Variants in ZSWIM9 observed in about 807,000 individuals in gnomAD.
ZSWIM9 encodes the protein uncharacterized protein ZSWIM9.
In ZSWIM9, 11 loss-of-function variants were observed where a neutral mutation model predicts 25.0. That is an observed-to-expected ratio of 0.44 (90% CI 0.28 to 0.73). ZSWIM9 has a LOEUF of 0.73. Ranked by LOEUF, ZSWIM9 falls within the 30% of genes least tolerant of loss-of-function variation. The pLI, the probability that ZSWIM9 is intolerant of heterozygous loss-of-function variation, is 0.16. For synonymous variants in ZSWIM9, 562 were observed against 582.1 expected, an observed-to-expected ratio of 0.97 and a Z score of 0.50; for missense variants, 1,070 against 1,296.5, an observed-to-expected ratio of 0.83 and a Z score of 2.68.
chr19:48,179,700 C>T (rs1167853402), intron 2 of ZSWIM9, among the ~76,000 whole-genome samples: 3 of 152,088 alleles, frequency 2.0e-5, no homozygotes, highest in African/African-American at 4.8e-5. Context: ...GTGGAACATT[C>T]GGCAGCAGTA....
At chr19:48,190,766 A>G (rs1250319724) in intron 3 of ZSWIM9, among the ~76,000 whole-genome samples, 1 of 152,238 alleles carries the variant, frequency 6.6e-6, no homozygotes, top group East Asian at 1.9e-4. Flanking sequence ...GTAGTTACAC[A>G]GGCCTCCTGC....
intron 3 of ZSWIM9, among the ~76,000 whole-genome samples, chr19:48,193,765 A>G (rs567818963): frequency 6.6e-6 from 1 of 152,338 alleles, no homozygotes; most frequent in South Asian, 2.1e-4. Flanking sequence ...TAACAGTAAT[A>G]TATGTACCAG....
chr19:48,195,442 AG>A lies in ZSWIM9; in HGVS notation c.1382del (p.Gly461GlufsTer9). The A allele has an allele frequency of 7.0e-7, 1 of 1,436,302 alleles. No individual in the cohort carries two copies. The highest frequency in any genetic ancestry group is 9.1e-7 in the Non-Finnish European group (1 of 1,103,490). The allele number at this position is 1,436,302 out of a possible 1,614,324, so 89.0% of individuals were successfully genotyped here. On this transcript the variant is annotated frameshift_variant, in exon 4 of 4. Coordinates refer to ENST00000614654, the MANE Select transcript of ZSWIM9 (RefSeq NM_199341.4). LOFTEE classifies it low-confidence loss of function (END_TRUNC). The surrounding 1 kb of genome is among the most constrained non-coding windows in gnomAD (Gnocchi z 5.8). ...GGPWLEDEPG[R>X]GAQGENERVR... is the part of the protein sequence containing the mutation. ...GCCTTGGCTGGAGGATGAGCCAGGG[AG>A]GGGAGCCCAGGGGGAGAACGAGAGG...
chr19:48,184,921 C>A (rs561002999), intron 3 of ZSWIM9, among the ~76,000 whole-genome samples: 21 of 152,132 alleles, frequency 1.4e-4, no homozygotes, highest in Non-Finnish European at 2.8e-4. Context: ...CTTTGCTGAT[C>A]TAGTAACTCT....
chr19:48,194,970 G>A lies in ZSWIM9; in HGVS notation c.906G>A (p.Leu302=), dbSNP rs1599937579. The change falls in exon 4 of 4, where the codon TTG becomes TTA. Residue 302 remains leucine (L), a synonymous_variant. Coordinates refer to ENST00000614654, the MANE Select transcript of ZSWIM9 (RefSeq NM_199341.4). This position sits in a 1 kb window ranked among gnomAD's most constrained non-coding sequence, Gnocchi z 6.0. ...LTAGPEVAAQ[L]PAVRQLLPCA... ...CCGGGCCCGAGGTGGCGGCGCAGTT[G>A]CCTGCAGTGCGCCAGCTGCTGCCCT... The A allele has an allele frequency of 1.8e-5, 24 of 1,333,342 alleles. No homozygotes were observed. The East Asian group carries it at 6.3e-4, about 35-fold the overall frequency. The allele number at this position is 1,333,342 out of a possible 1,614,324, so 82.6% of individuals were successfully genotyped here. A position where few individuals can be genotyped will look rare whatever the true frequency, so the allele number is the denominator to read the frequency against.
At chr19:48,178,545 G>C (rs1023566119) in intron 2 of ZSWIM9, among the ~76,000 whole-genome samples, 1 of 151,314 alleles carries the variant, frequency 6.6e-6, no homozygotes, top group Admixed American at 6.6e-5. Flanking sequence ...AAACTAGGAA[G>C]CCCTTGGACC....
At position 48,182,353 on chromosome 19, in the gene ZSWIM9, G is replaced by C; in HGVS notation, c.276-102G>C. 2 of 1,013,840 alleles carry C rather than the reference G, an allele frequency of 2.0e-6. No homozygotes were observed. Among genetic ancestry groups the C allele is most frequent in the East Asian group, 5.3e-5 (2 of 37,892 alleles). The allele number at this position is 1,013,840 out of a possible 1,614,324, so 62.8% of individuals were successfully genotyped here. A position where few individuals can be genotyped will look rare whatever the true frequency, so the allele number is the denominator to read the frequency against. On this transcript the variant is annotated intron_variant, in intron 2 of 3. Coordinates refer to ENST00000614654, the MANE Select transcript of ZSWIM9 (RefSeq NM_199341.4). This position sits in a 1 kb window ranked among gnomAD's most constrained non-coding sequence, Gnocchi z 4.6. ...CTTAGGGCCCTCTACTCTTCTCTAT[G>C]CCTGAAACAATTCTTAGTTTAAAAA...
At chr19:48,176,780 C>G (rs918115760) in intron 2 of ZSWIM9, among the ~76,000 whole-genome samples, 7 of 151,708 alleles carry the variant, frequency 4.6e-5, no homozygotes, top group African/African-American at 1.7e-4. Flanking sequence ...AATAAAAATC[C>G]CAGCCGGGTG....
intron 1 of ZSWIM9, 22 bp downstream of exon 1, chr19:48,170,736 G>A (rs1353664939): frequency 9.7e-6 from 2 of 206,656 alleles, no homozygotes; most frequent in Non-Finnish European, 2.0e-5. Context: ...GGGGCGGGAA[G>A]GGTGCACATC....
At position 48,182,335 on chromosome 19, in the gene ZSWIM9, C is replaced by T; in HGVS notation, c.276-120C>T. ...TCACACAGCTGGCATATTCTTAGGGCCCTCTACTCTTCTCTATGCCTGAAA... is the reference window on the plus strand; with the variant it reads ...TCACACAGCTGGCATATTCTTAGGGTCCTCTACTCTTCTCTATGCCTGAAA... On this transcript the variant is annotated intron_variant, in intron 2 of 3. Transcript: ENST00000614654. This position sits in a 1 kb window ranked among gnomAD's most constrained non-coding sequence, Gnocchi z 4.6. The T allele has an allele frequency of 1.2e-6, 1 of 817,954 alleles. No homozygotes were observed. Among genetic ancestry groups the T allele is most frequent in the Non-Finnish European group, 1.9e-6 (1 of 536,292 alleles). The allele number at this position is 817,954 out of a possible 1,614,324, so 50.7% of individuals were successfully genotyped here.
rs75344506 is a variant in ZSWIM9, at chr19:48,175,582, G to A, written c.275+3505G>A. Reference sequence around the variant, plus strand: ...GGTGGTGGGAGCCCTAGAAGGCTGTGAGTAGGGTCAGTTCTGGGTGGAGGA... The same window carrying A: ...GGTGGTGGGAGCCCTAGAAGGCTGTAAGTAGGGTCAGTTCTGGGTGGAGGA... On this transcript the variant is annotated intron_variant, in intron 2 of 3. Coordinates refer to ENST00000614654, the MANE Select transcript of ZSWIM9 (RefSeq NM_199341.4). Among the ~76,000 whole-genome samples, 532 of 152,174 alleles carry A rather than the reference G, an allele frequency of 3.5e-3. 16 individuals are homozygous for A. In the East Asian group the frequency reaches 0.05, roughly 14 times the overall value.
At chr19:48,185,675 T>G (rs1282137210) in intron 3 of ZSWIM9, among the ~76,000 whole-genome samples, 2 of 152,170 alleles carry the variant, frequency 1.3e-5, no homozygotes, top group Non-Finnish European at 2.9e-5. Context: ...CGGTGGAACT[T>G]TCTACAATGA....
chr19:48,184,372 G>A (rs564084852), intron 3 of ZSWIM9, among the ~76,000 whole-genome samples: 2 of 152,198 alleles, frequency 1.3e-5, no homozygotes, highest in Non-Finnish European at 2.9e-5. Flanking sequence ...GAATCTCTGC[G>A]GCTTTAATCC....
Position 48,194,913 on chromosome 19 carries a change from A to G in ZSWIM9, c.849A>G (p.Pro283=). Residue 283 remains proline, a synonymous_variant, in exon 4 of 4, where the codon CCA becomes CCG. Transcript: ENST00000614654. The surrounding 1 kb of genome is among the most constrained non-coding windows in gnomAD (Gnocchi z 6.0). ...FALASLLQSA[P]DVKGRVRCLT... is the part of the protein sequence containing the mutation. ...TCGCGTCGCTGCTGCAGAGCGCGCC[A>G]GACGTCAAGGGCCGCGTGCGCTGCC... is the stretch of plus-strand genomic sequence containing the variant. 1 of 1,315,202 alleles carries G rather than the reference A, an allele frequency of 7.6e-7. No individual in the cohort carries two copies. Among genetic ancestry groups the G allele is most frequent in the Non-Finnish European group, 9.7e-7 (1 of 1,034,694 alleles). The allele number at this position is 1,315,202 out of a possible 1,614,324, so 81.5% of individuals were successfully genotyped here.
chr19:48,196,731 CTGCAGACACCTCTT>C lies in ZSWIM9; in HGVS notation c.2673_2686del (p.Arg891SerfsTer49), dbSNP rs2123469693. 1 of 1,233,418 alleles carries C rather than the reference CTGCAGACACCTCTT, an allele frequency of 8.1e-7. No homozygotes were observed. Among genetic ancestry groups the C allele is most frequent in the Admixed American group, 4.2e-5 (1 of 23,844 alleles). 76.4% of individuals were successfully genotyped at this position (1,233,418 alleles called of 1,614,324 possible). On this transcript the variant is annotated frameshift_variant, in exon 4 of 4. Coordinates refer to ENST00000614654, the MANE Select transcript of ZSWIM9 (RefSeq NM_199341.4). LOFTEE classifies it high-confidence loss of function. The stretch of plus-strand genomic sequence containing the variant: ...CAATTCACGCCGCCCGCCGTCTGCC[CTGCAGACACCTCTT>C]TGCAGCGCGCCTCCTCACTGGGGCT...
rs757506419 is a variant in ZSWIM9 at position 48,182,728 on chromosome 19, C to A, written c.549C>A (p.His183Gln). The change falls in exon 3 of 4, where the codon CAC becomes CAA. Residue 183 changes from histidine to glutamine, a missense_variant. Physicochemically the swap from His to Gln is conservative, Grantham distance 24. Around this residue, in one of 4 missense-constraint regions of ZSWIM9, gnomAD observed 265 missense variants for 339.0 expected, o/e 0.78. Transcript: ENST00000614654. This position sits in a 1 kb window ranked among gnomAD's most constrained non-coding sequence, Gnocchi z 4.6. ...GRDHGVLDAL[H>Q]VLEGLFRTDP... is the part of the protein sequence containing the mutation. ...ACCACGGCGTCCTGGACGCCCTGCA[C>A]GTGCTCGAGGGCCTCTTCCGCACCG... 2.6e-6 allele frequency: 4 copies of A among 1,534,678 alleles called. No individual in the cohort carries two copies. In the East Asian group the frequency reaches 9.8e-5, roughly 38 times the overall value.
In ZSWIM9 at chr19:48,194,153, A is replaced by G. The variant is rs1392384528; in HGVS notation, c.589-500A>G. On this transcript the variant is annotated intron_variant, in intron 3 of 3. Transcript: ENST00000614654. This position sits in a 1 kb window ranked among gnomAD's most constrained non-coding sequence, Gnocchi z 6.0. Reference sequence around the variant, plus strand: ...ACCACCAGACCAGTCATCCTTAAGCATGCATAGGAGTCCCCTGGAGGGCTT... The same window carrying G: ...ACCACCAGACCAGTCATCCTTAAGCGTGCATAGGAGTCCCCTGGAGGGCTT... Among the ~76,000 whole-genome samples, 2 of 152,174 alleles carry G rather than the reference A, an allele frequency of 1.3e-5. No homozygotes were observed. Among genetic ancestry groups the G allele is most frequent in the Non-Finnish European group, 2.9e-5 (2 of 68,034 alleles).
Position 48,196,901 on chromosome 19 carries a change from C to T in ZSWIM9, c.*74C>T. 8.0e-7 allele frequency: 1 copy of T among 1,247,782 alleles called. No homozygotes were observed. The highest frequency in any genetic ancestry group is 1.0e-6 in the Non-Finnish European group (1 of 993,394). The allele number at this position is 1,247,782 out of a possible 1,614,324, so 77.3% of individuals were successfully genotyped here. A position where few individuals can be genotyped will look rare whatever the true frequency, so the allele number is the denominator to read the frequency against. On this transcript the variant is annotated 3_prime_UTR_variant, in exon 4 of 4. Transcript: ENST00000614654. ...TTCTTCGATCCCAAAGATAATAGGG[C>T]TGAGGCCAAGGAGACCGTTGCAGTC...
intron 3 of ZSWIM9, chr19:48,189,578 A>AC (rs2037070323): frequency 6.5e-6 from 1 of 154,276 alleles, no homozygotes. Flanking sequence ...AAACAAACAA[A>AC]AAAAAAAGAA....
Sources: gnomAD v4.1 joint callset for allele counts (sites outside exome capture counted in the v4.1 genomes callset) on GRCh38, gnomAD v4.1.1 for gene constraint, gnomAD v4.1.1 regional missense constraint, Gnocchi (gnomAD v3.1) non-coding constraint, MANE v1.5 for transcripts, NCBI Gene and HGNC (gene_info 2026-07-23, HGNC 2026-07-21) for gene names.